ANK2: variants seen among roughly 807,000 people sequenced by gnomAD.
The protein encoded by ANK2 is ankyrin-2.
A neutral mutation model predicts 360.5 loss-of-function variants in ANK2; 83 were observed. The ratio of observed to expected loss-of-function variants is 0.23; its 90% confidence interval spans 0.19 to 0.28. ANK2 has a LOEUF of 0.28. Ranked by LOEUF, ANK2 falls within the 10% of genes least tolerant of loss-of-function variation. The probability of loss-of-function intolerance (pLI) is 1.00; values close to 1 mark genes in which losing one functional copy is unlikely to be tolerated. For missense variants in ANK2, 4,201 were observed against 4,795.7 expected (o/e 0.88, Z 3.66); for synonymous variants, 1,740 against 1,759.5 (o/e 0.99, Z 0.28).
the ANK2 span, among the ~76,000 whole-genome samples, chr4:112,811,158 A>T: frequency 3.3e-5 from 5 of 151,090 alleles, no homozygotes; most frequent in Non-Finnish European, 7.4e-5. Flanking sequence ...AGGATGGTCT[A>T]GATTTCCTGA....
intron 2 of ANK2, among the ~76,000 whole-genome samples, chr4:113,029,175 A>G (rs901581357): frequency 6.6e-6 from 1 of 152,248 alleles, no homozygotes; most frequent in Admixed American, 6.5e-5. Context: ...TAGAAAAATA[A>G]TATTTTAAGA....
chr4:112,757,959 A>G, the ANK2 span, among the ~76,000 whole-genome samples: 1 of 136,826 alleles, frequency 7.3e-6, no homozygotes, highest in African/African-American at 2.5e-5. Context: ...GGCCCACTGC[A>G]ACGGCGCCGT....
At chr4:112,872,221 G>C (rs1227443395) in intron 1 of ANK2, among the ~76,000 whole-genome samples, 4 of 151,876 alleles carry the variant, frequency 2.6e-5, no homozygotes, top group Non-Finnish European at 5.9e-5. Flanking sequence ...GTAGAGACTG[G>C]GTCTTGCTAC....
At chr4:113,032,816 C>G (rs1234459746) in intron 2 of ANK2, among the ~76,000 whole-genome samples, 1 of 152,046 alleles carries the variant, frequency 6.6e-6, no homozygotes, top group African/African-American at 2.4e-5. Context: ...TTAGAATACT[C>G]ACTCAGGTGC....
In ANK2 at chr4:113,302,841, TA is replaced by T; in HGVS notation, c.2548+4del. The stretch of plus-strand genomic sequence containing the variant: ...TTCTTGATGTTTCTGATGAAGAGGG[TA>T]AGACTTCTATTCAATCTTCTATGAC... On this transcript the variant is annotated splice_donor_region_variant and intron_variant, in intron 23 of 45. Coordinates refer to ENST00000357077, the MANE Select transcript of ANK2 (RefSeq NM_001148.6). 1 of 1,610,164 alleles carries T rather than the reference TA, an allele frequency of 6.2e-7. No individual in the cohort carries two copies. The highest frequency in any genetic ancestry group is 1.3e-5 in the African/African-American group (1 of 74,954).
intron 1 of ANK2, among the ~76,000 whole-genome samples, chr4:112,825,393 A>G (rs2058200162): frequency 6.6e-6 from 1 of 152,230 alleles, no homozygotes; most frequent in African/African-American, 2.4e-5. Context: ...TCAGTTGGAA[A>G]GAAAATTTCA....
chr4:112,937,041 C>T (rs538490736), intron 2 of ANK2, among the ~76,000 whole-genome samples: 1 of 152,184 alleles, frequency 6.6e-6, no homozygotes, highest in African/African-American at 2.4e-5. Flanking sequence ...ATCCTCCCGC[C>T]TCTGCCTCCC....
chr4:113,174,369 T>G (rs370825390), intron 1 of ANK2, 47 bp from the exon 2 acceptor site: 7 of 1,468,566 alleles, frequency 4.8e-6, no homozygotes, highest in Non-Finnish European at 6.6e-6. Context: ...TTGGATACAT[T>G]TCTATTTCAT....
chr4:113,315,738 A>T (rs1049186095), intron 24 of ANK2, among the ~76,000 whole-genome samples: 24 of 150,912 alleles, frequency 1.6e-4, no homozygotes, highest in African/African-American at 5.7e-4. Context: ...CTCTACTAAA[A>T]ATACAAAAAA....
At chr4:113,287,769 C>G in intron 19 of ANK2, 66 bp downstream of exon 19, 1 of 1,350,136 alleles carries the variant, frequency 7.4e-7, no homozygotes, top group Non-Finnish European at 1.1e-6. Flanking sequence ...AGCCCCCATT[C>G]GGGTCACCCC....
At chr4:113,332,161 C>A in intron 28 of ANK2, 91 bp downstream of exon 28, 4 of 1,109,572 alleles carry the variant, frequency 3.6e-6, no homozygotes, top group Non-Finnish European at 5.5e-6. Context: ...TCATTGTGCC[C>A]ATGACATGTC....
intron 10 of ANK2, among the ~76,000 whole-genome samples, chr4:113,250,755 G>A (rs866431998): frequency 5.0e-5 from 3 of 60,400 alleles, no homozygotes; most frequent in Non-Finnish European, 6.9e-5. Context: ...TCATACCACC[G>A]CCCCCCCCCC....
intron 20 of ANK2, among the ~76,000 whole-genome samples, chr4:113,291,940 G>T (rs29342): frequency 0.036 from 5,512 of 152,236 alleles, 273 homozygotes; most frequent in East Asian, 0.26. Flanking sequence ...TAAGCCAAAG[G>T]TTAATTATTA....
At chr4:113,140,762 T>G (rs969677099) in intron 1 of ANK2, among the ~76,000 whole-genome samples, 2 of 152,122 alleles carry the variant, frequency 1.3e-5, no homozygotes, top group Non-Finnish European at 2.9e-5. Context: ...GTGTATCACT[T>G]GAGGTCAGGA....
At chr4:112,890,312 C>T (rs1374212975) in intron 1 of ANK2, among the ~76,000 whole-genome samples, 1 of 152,152 alleles carries the variant, frequency 6.6e-6, no homozygotes, top group African/African-American at 2.4e-5. Context: ...TGAAACTTGG[C>T]TCCTCAGTCT....
In ANK2 at chr4:113,211,279, A is replaced by G. The variant is rs138608937; in HGVS notation, c.384+12170A>G. 3.9e-3 allele frequency among the ~76,000 whole-genome samples: 587 copies of G among 152,270 alleles called. 4 individuals are homozygous for G. Among genetic ancestry groups the G allele is most frequent in the African/African-American group, 0.013 (551 of 41,566 alleles). On this transcript the variant is annotated intron_variant, in intron 4 of 45. Coordinates refer to ENST00000357077, the MANE Select transcript of ANK2 (RefSeq NM_001148.6). ...TGTGCATCATTCTTGTTCATAACTC[A>G]CTAACATTTGACAATTGGACCAGGT... is the stretch of plus-strand genomic sequence containing the variant.
At chr4:112,881,875 T>C in intron 1 of ANK2, 2 of 742,268 alleles carry the variant, frequency 2.7e-6, no homozygotes, top group African/African-American at 1.7e-5. Context: ...GAATATTCTC[T>C]TGAGACCGCT....
intron 2 of ANK2, among the ~76,000 whole-genome samples, chr4:113,000,986 T>C (rs1461772087): frequency 6.6e-6 from 1 of 151,786 alleles, no homozygotes; most frequent in Non-Finnish European, 1.5e-5. Flanking sequence ...CAGATGCATG[T>C]TGAACAGTTT....
At chr4:113,212,842 C>G (rs2099040556) in intron 4 of ANK2, among the ~76,000 whole-genome samples, 1 of 152,200 alleles carries the variant, frequency 6.6e-6, no homozygotes, top group Non-Finnish European at 1.5e-5. Context: ...CATGCAAGAC[C>G]AGCCATTCTG....
Sources: gnomAD v4.1 joint callset for allele counts (sites outside exome capture counted in the v4.1 genomes callset) on GRCh38, gnomAD v4.1.1 for gene constraint, MANE v1.5 for transcripts, NCBI Gene and HGNC (gene_info 2026-07-23, HGNC 2026-07-21) for gene names.